The following CDH8 variants were observed in gnomAD, a reference collection of about 807,000 sequenced individuals.
CDH8 encodes cadherin-8.
A neutral mutation model predicts 68.1 loss-of-function variants in CDH8; 17 were observed. The ratio of observed to expected loss-of-function variants is 0.25; its 90% confidence interval spans 0.17 to 0.37. The LOEUF is 0.37. CDH8 is among the 10% of genes least tolerant of loss of function. CDH8 has a pLI of 1.00. For missense variants in CDH8, 763 were observed against 999.3 expected (o/e 0.76, Z 3.19); for synonymous variants, 372 against 365.1 (o/e 1.02, Z -0.21).
intron 2 of CDH8, among the ~76,000 whole-genome samples, chr16:61,921,938 G>C (rs568029316): frequency 1.3e-5 from 2 of 152,242 alleles, no homozygotes; most frequent in South Asian, 4.2e-4. Flanking sequence ...GGCTGAGGCA[G>C]GAGAATTGCT....
chr16:61,927,709 C>T (rs1304439481), intron 2 of CDH8, among the ~76,000 whole-genome samples: 2 of 152,154 alleles, frequency 1.3e-5, no homozygotes, highest in African/African-American at 2.4e-5. Flanking sequence ...GCCCAGGCAT[C>T]GTCAAACTCT....
chr16:61,726,849 G>A (rs1358547658), intron 9 of CDH8: 1 of 501,012 alleles, frequency 2.0e-6, no homozygotes, highest in Non-Finnish European at 3.5e-6. Flanking sequence ...TTAAGACAGT[G>A]ATTTGGCTCT....
At position 61,887,621 on chromosome 16, in the gene CDH8, AC is replaced by A. The variant is rs1278095935; in HGVS notation, c.547+13557del. Among the ~76,000 whole-genome samples, 22 of 152,178 alleles carry A rather than the reference AC, an allele frequency of 1.4e-4. No homozygotes were observed. The East Asian group carries it at 4.3e-3, about 29-fold the overall frequency. On this transcript the variant is annotated intron_variant, in intron 3 of 11. Transcript: ENST00000577390. The stretch of plus-strand genomic sequence containing the variant: ...CACCATTCAGACAGCATTAGGACCC[AC>A]CATGTGACCCCATTTAACCTTCATT...
At chr16:61,685,704 T>A (rs1172008551) in intron 10 of CDH8, among the ~76,000 whole-genome samples, 1 of 151,960 alleles carries the variant, frequency 6.6e-6, no homozygotes, top group East Asian at 1.9e-4. Flanking sequence ...CAATTTATTA[T>A]TATTATCATT....
rs990512499 is a variant in CDH8 at position 61,825,254 on chromosome 16, C to T, written c.668-75G>A. ...AATGAAAGTGTTAATCTCACACATG[C>T]ACACATACACACAAGCATACACCAA... On this transcript the variant is annotated intron_variant, in intron 4 of 11. Coordinates refer to ENST00000577390, the MANE Select transcript of CDH8 (RefSeq NM_001796.5). 4 of 1,091,402 alleles carry T rather than the reference C, an allele frequency of 3.7e-6. No homozygotes were observed. The East Asian group carries it at 7.3e-5, about 20-fold the overall frequency. The allele number at this position is 1,091,402 out of a possible 1,614,324, so 67.6% of individuals were successfully genotyped here.
intron 3 of CDH8, among the ~76,000 whole-genome samples, chr16:61,893,415 AGTGTGTGTGTGTGT>A (rs139637026): frequency 6.9e-6 from 1 of 145,662 alleles, no homozygotes; most frequent in Non-Finnish European, 1.5e-5. Context: ...TGTGTGTGTG[AGTGTGTGTGTGTGT>A]GTGTGTGTGT....
At chr16:61,878,513 G>A (rs1162072110) in intron 3 of CDH8, among the ~76,000 whole-genome samples, 2 of 152,024 alleles carry the variant, frequency 1.3e-5, no homozygotes, top group Non-Finnish European at 2.9e-5. Flanking sequence ...GTTAGTAAAA[G>A]CAAAACAAAA....
At chr16:61,855,885 C>A (rs986780327) in intron 4 of CDH8, among the ~76,000 whole-genome samples, 3 of 152,026 alleles carry the variant, frequency 2.0e-5, no homozygotes, top group Non-Finnish European at 4.4e-5. Flanking sequence ...TCAAGGGACC[C>A]AAATGAGAAA....
At chr16:61,985,680 C>T (rs569531956) in intron 2 of CDH8, among the ~76,000 whole-genome samples, 13 of 151,916 alleles carry the variant, frequency 8.6e-5, no homozygotes, top group Middle Eastern at 3.4e-3. Flanking sequence ...TTAGTAGAGA[C>T]GGGGGTTTCT....
chr16:61,859,485 G>C (rs549599623), intron 3 of CDH8, among the ~76,000 whole-genome samples: 57 of 152,272 alleles, frequency 3.7e-4, no homozygotes, highest in African/African-American at 1.3e-3. Context: ...AGGAAATATG[G>C]AAGAAATTTC....
chr16:61,889,832 G>A (rs746347826), intron 3 of CDH8, among the ~76,000 whole-genome samples: 7 of 152,050 alleles, frequency 4.6e-5, no homozygotes, highest in Non-Finnish European at 1.0e-4. Context: ...CCATCTGAGG[G>A]CAAAAAGAGG....
At chr16:61,913,869 A>C (rs985940221) in intron 2 of CDH8, among the ~76,000 whole-genome samples, 1 of 152,190 alleles carries the variant, frequency 6.6e-6, no homozygotes, top group East Asian at 1.9e-4. Flanking sequence ...AAACAAAAAT[A>C]ATCATTTCAA....
At chr16:61,681,925 C>T (rs972109295) in intron 10 of CDH8, among the ~76,000 whole-genome samples, 6 of 151,736 alleles carry the variant, frequency 4.0e-5, no homozygotes, top group Non-Finnish European at 7.4e-5. Flanking sequence ...ATGATGCTAA[C>T]GGTATTCATA....
chr16:62,019,164 C>T (rs1366564527), intron 2 of CDH8, among the ~76,000 whole-genome samples: 1 of 152,178 alleles, frequency 6.6e-6, no homozygotes, highest in Non-Finnish European at 1.5e-5. Flanking sequence ...ATAAGAACGC[C>T]TTGCCTTAGG....
chr16:61,673,393 A>G (rs944834599), intron 10 of CDH8, among the ~76,000 whole-genome samples: 3 of 152,142 alleles, frequency 2.0e-5, no homozygotes, highest in Non-Finnish European at 4.4e-5. Flanking sequence ...TCATCATTAA[A>G]GAGCTTACTT....
intron 8 of CDH8, among the ~76,000 whole-genome samples, chr16:61,732,791 G>A (rs1210960580): frequency 2.0e-5 from 3 of 151,768 alleles, no homozygotes; most frequent in Non-Finnish European, 4.4e-5. Context: ...AAAACTCTAT[G>A]TATCTATTTA....
At chr16:62,019,682 A>G (rs1322397805) in intron 2 of CDH8, among the ~76,000 whole-genome samples, 1 of 152,174 alleles carries the variant, frequency 6.6e-6, no homozygotes, top group East Asian at 1.9e-4. Flanking sequence ...CTGAGTTTGT[A>G]TCAAGGATAC....
Position 61,960,332 on chromosome 16 carries a change from TAC to T in CDH8, c.253-58861_253-58860del, listed in dbSNP as rs1156492611. 4.1e-5 allele frequency among the ~76,000 whole-genome samples: 3 copies of T among 72,340 alleles called. 1 individual carries two copies. The highest frequency in any genetic ancestry group is 8.3e-4 in the East Asian group (2 of 2,404). The allele number at this position is 72,340 out of a possible 152,430, so 47.5% of individuals were successfully genotyped here. On this transcript the variant is annotated intron_variant, in intron 2 of 11. Transcript: ENST00000577390. ...ACACACATATATACGTGTGTGTGTA[TAC>T]ACACATATATACATGTGTGTGTGTA...
chr16:61,907,730 C>G (rs1334171092), intron 2 of CDH8, among the ~76,000 whole-genome samples: 2 of 150,204 alleles, frequency 1.3e-5, no homozygotes, highest in African/African-American at 4.9e-5. Context: ...GGGGAGAAAA[C>G]CTACACCTTT....
Sources: allele counts gnomAD v4.1 joint callset (sites outside exome capture counted in the v4.1 genomes callset), GRCh38; gene constraint gnomAD v4.1.1; transcripts MANE v1.5; gene names NCBI Gene and HGNC (gene_info 2026-07-23, HGNC 2026-07-21).